C19orf47: variants seen among roughly 807,000 people sequenced by gnomAD.
C19orf47 encodes chromosome 19 open reading frame 47, also known as uncharacterized protein C19orf47.
In C19orf47, 18 loss-of-function variants were observed where a neutral mutation model predicts 32.3. The ratio of observed to expected loss-of-function variants is 0.56; its 90% CI spans 0.39 to 0.83. The LOEUF (loss-of-function observed/expected upper bound fraction) is 0.83. Ranked by LOEUF, C19orf47 falls within the 40% of genes least tolerant of loss-of-function variation. The pLI, the probability that C19orf47 is intolerant of heterozygous loss-of-function variation, is 0.00. For synonymous variants in C19orf47, 202 were observed against 211.1 expected (o/e 0.96, Z 0.37); for missense variants, 484 against 531.6 (o/e 0.91, Z 0.88).
rs1297475966 is a variant in C19orf47 at position 40,342,370 on chromosome 19, T to C, written c.-33-480A>G. The C allele has an allele frequency of 1.8e-5, 3 of 162,338 alleles. 1 individual carries two copies. Among genetic ancestry groups the C allele is most frequent in the South Asian group, 3.3e-4 (2 of 6,142 alleles). The allele number at this position is 162,338 out of a possible 1,614,324, so 10.1% of individuals were successfully genotyped here. ...GTGAATTATCTCAATTGACTGTTCA[T>C]AGTCCTTTACAGATGGAACTCCTTA... On this transcript the variant is annotated intron_variant, in intron 1 of 8. Coordinates refer to ENST00000683109, the MANE Select transcript of C19orf47 (RefSeq NM_001256441.2).
At chr19:40,311,719 A>G in the C19orf47 span, among the ~76,000 whole-genome samples, 2 of 151,900 alleles carry the variant, frequency 1.3e-5, no homozygotes, top group African/African-American at 2.4e-5. Context: ...GCAGTGGCAC[A>G]ATCTCGGCTC....
the C19orf47 span, among the ~76,000 whole-genome samples, chr19:40,296,590 G>A: frequency 3.3e-5 from 5 of 152,002 alleles, no homozygotes; most frequent in Admixed American, 6.6e-5. Context: ...CCAAGTGTTC[G>A]TATATCTAAA....
chr19:40,328,779 G>A (rs2077889091), intron 5 of C19orf47, among the ~76,000 whole-genome samples: 1 of 152,046 alleles, frequency 6.6e-6, no homozygotes, highest in Admixed American at 6.5e-5. Context: ...CCTTTCCTGA[G>A]GCTCTAGACC....
chr19:40,326,624 C>A, intron 6 of C19orf47, 138 bp from the exon 7 acceptor site: 1 of 1,070,226 alleles, frequency 9.3e-7, no homozygotes. Flanking sequence ...CACATCACCA[C>A]TGACCGAACC....
In C19orf47 at chr19:40,328,397, G is replaced by A; in HGVS notation, c.439+16C>T. On this transcript the variant is annotated intron_variant, in intron 6 of 8. Transcript: ENST00000683109. ...TCCCCTCCAGCTCCTCCTACCACCT[G>A]CCCATGTTCCCTCACCAGTGGCCTT... 1 of 1,611,340 alleles carries A rather than the reference G, an allele frequency of 6.2e-7. No homozygotes were observed. Among genetic ancestry groups the A allele is most frequent in the South Asian group, 1.1e-5 (1 of 90,688 alleles).
At chr19:40,318,994 A>G (rs1377579974), downstream of C19orf47, among the ~76,000 whole-genome samples, 1 of 152,192 alleles carries the variant, frequency 6.6e-6, no homozygotes, top group Non-Finnish European at 1.5e-5. Context: ...AAAATGGTCC[A>G]GGCGCAGTGG....
chr19:40,310,481 G>A, the C19orf47 span, among the ~76,000 whole-genome samples: 1 of 152,300 alleles, frequency 6.6e-6, no homozygotes, highest in East Asian at 1.9e-4. Context: ...GTTTCACCAT[G>A]TTGGCCAGGG....
chr19:40,322,274 C>A lies in C19orf47; in HGVS notation c.766G>T (p.Gly256Trp), dbSNP rs751563106. The A allele has an allele frequency of 5.6e-6, 9 of 1,608,886 alleles. No individual in the cohort carries two copies. Among genetic ancestry groups the A allele is most frequent in the African/African-American group, 1.3e-5 (1 of 75,058 alleles). ...DSSSSVLQYA[G>W]VLKKLGRGPA... Reference sequence around the variant, plus strand: ...CCCCGTCCTAGCTTCTTCAGGACCCCGGCATACTGCAAGACAGAGCTGCTG... The same window carrying A: ...CCCCGTCCTAGCTTCTTCAGGACCCAGGCATACTGCAAGACAGAGCTGCTG... Residue 256 changes from glycine (G) to tryptophan (W), a missense_variant, in exon 9 of 9, where the codon GGG becomes TGG. By Grantham distance (184) the Gly-to-Trp change is radical. Transcript: ENST00000683109.
the C19orf47 span, among the ~76,000 whole-genome samples, chr19:40,296,790 T>C: frequency 6.6e-6 from 1 of 151,978 alleles, no homozygotes; most frequent in Non-Finnish European, 1.5e-5. Context: ...GGCGGGCATC[T>C]GTAATCCCAG....
At chr19:40,323,487 T>C (rs920829857) in intron 8 of C19orf47, among the ~76,000 whole-genome samples, 6 of 152,286 alleles carry the variant, frequency 3.9e-5, no homozygotes, top group Admixed American at 1.3e-4. Context: ...GGCTGCATCA[T>C]GGGCACAGTG....
the C19orf47 span, among the ~76,000 whole-genome samples, chr19:40,308,206 A>G: frequency 6.6e-6 from 1 of 151,826 alleles, no homozygotes; most frequent in Admixed American, 6.6e-5. Flanking sequence ...GCCAGGCTGG[A>G]GTGCAGTGAC....
downstream of C19orf47, among the ~76,000 whole-genome samples, chr19:40,315,900 G>T (rs1488312119): frequency 6.6e-6 from 1 of 152,130 alleles, no homozygotes; most frequent in Non-Finnish European, 1.5e-5. Flanking sequence ...GGAGGCTACA[G>T]TGAGCTGGGA....
the C19orf47 span, among the ~76,000 whole-genome samples, chr19:40,294,401 A>G: frequency 6.6e-6 from 1 of 152,072 alleles, no homozygotes; most frequent in East Asian, 1.9e-4. Flanking sequence ...TTCTTGTATA[A>G]TAACTCTGGT....
At chr19:40,300,464 CA>C in the C19orf47 span, among the ~76,000 whole-genome samples, 63 of 138,420 alleles carry the variant, frequency 4.6e-4, no homozygotes, top group East Asian at 6.2e-4. Flanking sequence ...GACACCATCT[CA>C]AAAAAAAAAA....
chr19:40,345,436 C>G (rs2078252998), intron 1 of C19orf47, among the ~76,000 whole-genome samples: 1 of 151,398 alleles, frequency 6.6e-6, no homozygotes, highest in Non-Finnish European at 1.5e-5. Context: ...CAGTAACTCA[C>G]ACCTGTAGTC....
At chr19:40,312,321 T>G in the C19orf47 span, among the ~76,000 whole-genome samples, 6 of 151,696 alleles carry the variant, frequency 4.0e-5, no homozygotes, top group African/African-American at 9.7e-5. Flanking sequence ...GCCGAGGCGG[T>G]CGGATCACGA....
the C19orf47 span, among the ~76,000 whole-genome samples, chr19:40,311,424 C>A: frequency 2.0e-4 from 31 of 151,754 alleles, no homozygotes; most frequent in African/African-American, 6.8e-4. Flanking sequence ...CACCTGTAGT[C>A]CCAGATACTC....
chr19:40,320,936 T>TG lies in C19orf47; in HGVS notation c.*945dup, dbSNP rs1317852513. 6.5e-6 allele frequency: 1 copy of TG among 153,734 alleles called. No individual in the cohort carries two copies. The highest frequency in any genetic ancestry group is 2.4e-5 in the African/African-American group (1 of 41,434). The allele number at this position is 153,734 out of a possible 1,614,324, so 9.5% of individuals were successfully genotyped here. ...TGACTCAGGGCTTGCAGCAGGGACA[T>TG]GGACCATGTGTGTGCAGGAAGCCTG... On this transcript the variant is annotated 3_prime_UTR_variant, in exon 9 of 9. Coordinates refer to ENST00000683109, the MANE Select transcript of C19orf47 (RefSeq NM_001256441.2).
At chr19:40,339,297 T>A (rs1216488831) in intron 2 of C19orf47, 1 of 152,336 alleles carries the variant, frequency 6.6e-6, no homozygotes, top group Admixed American at 6.5e-5. Context: ...TAAACTGTCA[T>A]AAGGCACTGG....
Sources: gnomAD v4.1 joint callset for allele counts (sites outside exome capture counted in the v4.1 genomes callset) on GRCh38, gnomAD v4.1.1 for gene constraint, MANE v1.5 for transcripts, NCBI Gene and HGNC (gene_info 2026-07-23, HGNC 2026-07-21) for gene names.